The following HIF3A variants were observed in gnomAD, a reference collection of about 807,000 sequenced individuals.
HIF3A encodes the protein hypoxia inducible factor 3 subunit alpha, also known as hypoxia-inducible factor 3-alpha.
In HIF3A, 41 loss-of-function variants were observed where a neutral mutation model predicts 67.2. That is an observed-to-expected ratio of 0.61 (90% confidence interval 0.48 to 0.79). The LOEUF (loss-of-function observed/expected upper bound fraction) is 0.79, where lower values mean the gene tolerates loss of function less well. Among genes scored for constraint, HIF3A ranks in the 30% least tolerant of loss-of-function variants. The probability of loss-of-function intolerance (pLI) is 0.00; values close to 1 mark genes in which losing one functional copy is unlikely to be tolerated. For synonymous variants in HIF3A, 356 were observed against 374.8 expected, an observed-to-expected ratio of 0.95 and a Z score of 0.58; for missense variants, 855 against 898.0, an observed-to-expected ratio of 0.95 and a Z score of 0.61.
Position 46,303,928 on chromosome 19 carries a change from C to T in HIF3A, c.57C>T (p.Ser19=), listed in dbSNP as rs142517237. 1,513 of 1,608,950 alleles carry T rather than the reference C, an allele frequency of 9.4e-4. 8 individuals carry two copies. Among genetic ancestry groups the T allele is most frequent in the Middle Eastern group, 6.4e-3 (39 of 6,052 alleles). The part of the protein sequence containing the change: ...RSTTELRKEK[S]RDAARSRRSQ... ...CCACGGAGCTGCGCAAGGAAAAGTC[C>T]CGGGATGCGGCCCGCAGCCGGCGCA... Residue 19 remains serine, a synonymous_variant, in exon 2 of 15, where the codon TCC becomes TCT. Coordinates refer to ENST00000377670, the MANE Select transcript of HIF3A (RefSeq NM_152795.4).
At chr19:46,330,150 T>C (rs971604741) in intron 12 of HIF3A, among the ~76,000 whole-genome samples, 4 of 152,018 alleles carry the variant, frequency 2.6e-5, no homozygotes, top group Non-Finnish European at 4.4e-5. Flanking sequence ...CTTATCCTTA[T>C]GGATACATCT....
At chr19:46,337,637 C>T (rs1971724680) in intron 14 of HIF3A, among the ~76,000 whole-genome samples, 1 of 152,128 alleles carries the variant, frequency 6.6e-6, no homozygotes, top group Admixed American at 6.5e-5. Flanking sequence ...CATGGAGCCT[C>T]TGTGGGGCAT....
intron 8 of HIF3A, among the ~76,000 whole-genome samples, chr19:46,314,594 G>A (rs1211343599): frequency 1.4e-5 from 2 of 146,074 alleles, no homozygotes; most frequent in Non-Finnish European, 3.0e-5. Context: ...TTTTGCCCTT[G>A]TCACTCAGGC....
chr19:46,301,470 G>T (rs894878121), intron 1 of HIF3A, among the ~76,000 whole-genome samples: 2 of 152,178 alleles, frequency 1.3e-5, no homozygotes, highest in Non-Finnish European at 2.9e-5. Context: ...TGGCTTTGGG[G>T]CTTCTTGGGC....
intron 13 of HIF3A, among the ~76,000 whole-genome samples, chr19:46,332,669 T>C (rs1253989417): frequency 6.6e-6 from 1 of 152,176 alleles, no homozygotes; most frequent in Non-Finnish European, 1.5e-5. Context: ...GTTGTTTGAA[T>C]ATGAGATGTG....
At position 46,340,434 on chromosome 19, in the gene HIF3A, G is replaced by GT. The variant is rs1197555752; in HGVS notation, c.*813dup. On this transcript the variant is annotated 3_prime_UTR_variant, in exon 15 of 15. Coordinates refer to ENST00000377670, the MANE Select transcript of HIF3A (RefSeq NM_152795.4). ...TCTAGACCACACAACCTCCAATGTGGTCTGCTTTAGATCACCTTCTTCTTC... is the reference window on the plus strand; with the variant it reads ...TCTAGACCACACAACCTCCAATGTGGTTCTGCTTTAGATCACCTTCTTCTTC... The GT allele has an allele frequency of 6.5e-6, 1 of 153,160 alleles. No homozygotes were observed. Among genetic ancestry groups the GT allele is most frequent in the East Asian group, 1.9e-4 (1 of 5,200 alleles). The allele number at this position is 153,160 out of a possible 1,614,324, so 9.5% of individuals were successfully genotyped here. A position where few individuals can be genotyped will look rare whatever the true frequency, so the allele number is the denominator to read the frequency against.
At chr19:46,306,623 A>G (rs1211271798) in intron 3 of HIF3A, 1 of 152,242 alleles carries the variant, frequency 6.6e-6, no homozygotes, top group Non-Finnish European at 1.5e-5. Flanking sequence ...AAGGCCTACA[A>G]GAAAGTTCCC....
chr19:46,321,464 A>T (rs985030011), intron 9 of HIF3A, among the ~76,000 whole-genome samples: 1 of 152,166 alleles, frequency 6.6e-6, no homozygotes, highest in Non-Finnish European at 1.5e-5. Context: ...GGCACCTGTA[A>T]TCCCAGCTAC....
At chr19:46,327,154 C>CAAA (rs531482343) in intron 11 of HIF3A, among the ~76,000 whole-genome samples, 2 of 148,832 alleles carry the variant, frequency 1.3e-5, no homozygotes, top group African/African-American at 5.0e-5. Context: ...ACTTTTGTCC[C>CAAA]AAAAAAAATA....
In HIF3A at chr19:46,304,051, C is replaced by A. The variant is rs1253204536; in HGVS notation, c.180C>A (p.Thr60=). The A allele has an allele frequency of 5.7e-6, 9 of 1,583,786 alleles. No individual in the cohort carries two copies. Among genetic ancestry groups the A allele is most frequent in the Non-Finnish European group, 7.7e-6 (9 of 1,165,918 alleles). The change falls in exon 2 of 15, where the codon ACC becomes ACA. Residue 60 remains threonine (T), a synonymous_variant. Transcript: ENST00000377670. ...ACAAGGCCTCTATCATGCGCCTCAC[C>A]ATCAGCTACCTGCGCATGCACCGCC... ...HLDKASIMRL[T]ISYLRMHRLC...
intron 9 of HIF3A, 86 bp downstream of exon 9, chr19:46,320,647 C>A: frequency 1.1e-6 from 1 of 928,682 alleles, no homozygotes; most frequent in Non-Finnish European, 1.7e-6. Context: ...GCTCACCAGG[C>A]CCTGTGGGAC....
At chr19:46,323,043 G>GT (rs34759440) in intron 10 of HIF3A, among the ~76,000 whole-genome samples, 15 of 147,596 alleles carry the variant, frequency 1.0e-4, no homozygotes, top group East Asian at 2.0e-4. Flanking sequence ...GGGGACAGTG[G>GT]TTTTTTTTTT....
chr19:46,337,234 G>A (rs561365280), intron 14 of HIF3A, among the ~76,000 whole-genome samples: 52 of 151,970 alleles, frequency 3.4e-4, no homozygotes, highest in African/African-American at 1.2e-3. Flanking sequence ...CCCTTAGGTG[G>A]GGACTGTATC....
chr19:46,313,864 G>C (rs1162882767), intron 8 of HIF3A, among the ~76,000 whole-genome samples: 2 of 150,972 alleles, frequency 1.3e-5, no homozygotes, highest in African/African-American at 4.9e-5. Context: ...GTTTCACCAG[G>C]TTGGCCGGTC....
At position 46,297,175 on chromosome 19, in the gene HIF3A, TGGG is replaced by T; in HGVS notation, c.26+79_26+81del. 1 of 202,734 alleles carries T rather than the reference TGGG, an allele frequency of 4.9e-6. No homozygotes were observed. 12.6% of individuals were successfully genotyped at this position (202,734 alleles called of 1,614,324 possible). On this transcript the variant is annotated intron_variant, in intron 1 of 14. Coordinates refer to ENST00000377670, the MANE Select transcript of HIF3A (RefSeq NM_152795.4). This position sits in a 1 kb window ranked among gnomAD's most constrained non-coding sequence, Gnocchi z 4.5. ...CCTGGAGACCCCTGAGCTGGATTGT[TGGG>T]GGGGGTGGGGTTCGCGGGTGCGAGC...
rs766318551 is a variant in HIF3A at position 46,339,566 on chromosome 19, A to G, written c.1954A>G (p.Thr652Ala). The G allele has an allele frequency of 1.9e-6, 3 of 1,609,928 alleles. No individual in the cohort carries two copies. In the South Asian group the frequency reaches 3.3e-5, roughly 18 times the overall value. Reference protein sequence around the residue: ...SLLSPYSDEDTTQPGGPFQPR... With the variant: ...SLLSPYSDEDATQPGGPFQPR... ...GCTCTCTCCGTACTCAGACGAGGAC[A>G]CTACCCAGCCCGGGGGCCCCTTCCA... The change falls in exon 15 of 15, where the codon ACT becomes GCT. Residue 652 changes from threonine to alanine, a missense_variant. Physicochemically the swap from Thr to Ala is moderately conservative, Grantham distance 58. Transcript: ENST00000377670.
Position 46,297,276 on chromosome 19 carries a change from G to T in HIF3A, c.26+174G>T, listed in dbSNP as rs773582167. ...CTCCACCCTTAGGGACTGCAGGGGTGGGGGATTCCCTACGTCTCTGGCTGC... is the reference window on the plus strand; with the variant it reads ...CTCCACCCTTAGGGACTGCAGGGGTTGGGGATTCCCTACGTCTCTGGCTGC... On this transcript the variant is annotated intron_variant, in intron 1 of 14. Transcript: ENST00000377670. This position sits in a 1 kb window ranked among gnomAD's most constrained non-coding sequence, Gnocchi z 4.5. Among the ~76,000 whole-genome samples the T allele has an allele frequency of 6.6e-6, 1 of 152,234 alleles. No individual in the cohort carries two copies. The highest frequency in any genetic ancestry group is 1.9e-4 in the East Asian group (1 of 5,162).
chr19:46,306,130 G>A (rs904592256), intron 3 of HIF3A, among the ~76,000 whole-genome samples: 7 of 152,160 alleles, frequency 4.6e-5, no homozygotes, highest in African/African-American at 1.7e-4. Flanking sequence ...GGTGCAGAGT[G>A]CAATAGGAGA....
At chr19:46,317,648 A>G (rs904237597) in intron 8 of HIF3A, among the ~76,000 whole-genome samples, 2 of 151,940 alleles carry the variant, frequency 1.3e-5, no homozygotes, top group African/African-American at 2.4e-5. Flanking sequence ...CTGAGCCCCT[A>G]CATGAGCTCA....
Sources: gnomAD v4.1 joint callset for allele counts (sites outside exome capture counted in the v4.1 genomes callset) on GRCh38, gnomAD v4.1.1 for gene constraint, Gnocchi (gnomAD v3.1) non-coding constraint, MANE v1.5 for transcripts, NCBI Gene and HGNC (gene_info 2026-07-23, HGNC 2026-07-21) for gene names.